Variants in CD163L1 observed in about 807,000 individuals in gnomAD.
CD163L1 encodes the protein CD163 molecule like 1, also known as scavenger receptor cysteine-rich type 1 protein M160.
A neutral mutation model predicts 165.4 loss-of-function variants in CD163L1; 124 were observed. The observed-to-expected ratio is 0.75, with a 90% CI of 0.65 to 0.87. The LOEUF is 0.87. CD163L1 is among the 40% of genes least tolerant of loss of function. The probability of loss-of-function intolerance (pLI) is 0.00; values close to 1 mark genes in which losing one functional copy is unlikely to be tolerated. For missense variants in CD163L1, 1,525 were observed against 1,799.9 expected (o/e 0.85, Z 2.76); for synonymous variants, 585 against 662.2 (o/e 0.88, Z 1.79).
the CD163L1 span, chr12:7,323,133 C>T: frequency 1.8e-6 from 2 of 1,132,774 alleles, no homozygotes; most frequent in Non-Finnish European, 1.3e-6. Context: ...CGCCTGCATA[C>T]CAGGAAAATC....
At chr12:7,321,224 T>C in the CD163L1 span, among the ~76,000 whole-genome samples, 1 of 152,146 alleles carries the variant, frequency 6.6e-6, no homozygotes, top group Non-Finnish European at 1.5e-5. Flanking sequence ...AACACTGTCA[T>C]TTAGAACTCA....
chr12:7,366,771 T>C (rs780663395), intron 18 of CD163L1, among the ~76,000 whole-genome samples: 2 of 152,266 alleles, frequency 1.3e-5, no homozygotes, highest in African/African-American at 4.8e-5. Flanking sequence ...AGATTGAGTT[T>C]TATGCACTGT....
Position 7,374,560 on chromosome 12 carries a change from G to T in CD163L1, c.3291C>A (p.Pro1097=). Residue 1097 remains proline, a synonymous_variant, in exon 13 of 20, where the codon CCC becomes CCA. Coordinates refer to ENST00000313599, the MANE Select transcript of CD163L1 (RefSeq NM_174941.6). The surrounding 1 kb of genome is among the most constrained non-coding windows in gnomAD (Gnocchi z 5.4). ...VSAHFGEGSG[P]IWLDDLNCTG... ...TGCAGTTCAGGTCATCCAGCCAGAT[G>T]GGCCCTGACCCCTCCCCAAAGTGAG... The T allele has an allele frequency of 6.2e-7, 1 of 1,614,220 alleles. No individual in the cohort carries two copies. The highest frequency in any genetic ancestry group is 8.5e-7 in the Non-Finnish European group (1 of 1,180,040).
the CD163L1 span, among the ~76,000 whole-genome samples, chr12:7,331,261 C>A: frequency 6.6e-6 from 1 of 152,240 alleles, no homozygotes; most frequent in Admixed American, 6.5e-5. Flanking sequence ...ATTGCCCAGG[C>A]TTGAGTAGGT....
At chr12:7,421,041 ATATATATGTATATACGTATATATG>A (rs1948348586) in intron 4 of CD163L1, among the ~76,000 whole-genome samples, 1 of 108,620 alleles carries the variant, frequency 9.2e-6, no homozygotes. Flanking sequence ...ATATACGTGT[ATATATATGTATATACGTATATATG>A]TATATATACG....
chr12:7,434,566 G>C (rs1948689264), intron 2 of CD163L1, among the ~76,000 whole-genome samples: 1 of 152,034 alleles, frequency 6.6e-6, no homozygotes, highest in Non-Finnish European at 1.5e-5. Flanking sequence ...AAACTTTATG[G>C]TGAATTCTGT....
At chr12:7,323,528 A>G in the CD163L1 span, 2 of 1,613,724 alleles carry the variant, frequency 1.2e-6, no homozygotes, top group African/African-American at 2.7e-5. Flanking sequence ...ACTCAAACCT[A>G]CACGGCCCTT....
At chr12:7,348,479 T>C (rs974943782) in intron 4 of CD163L1, among the ~76,000 whole-genome samples, 1 of 152,206 alleles carries the variant, frequency 6.6e-6, no homozygotes, top group Non-Finnish European at 1.5e-5. Flanking sequence ...AGCCCATCCA[T>C]TAGTGGATGA....
At chr12:7,340,520 C>G in the CD163L1 span, among the ~76,000 whole-genome samples, 1 of 152,154 alleles carries the variant, frequency 6.6e-6, no homozygotes, top group African/African-American at 2.4e-5. Context: ...CATGAAGTCA[C>G]TGTAACTCCC....
chr12:7,430,911 G>A (rs751117228), intron 4 of CD163L1, among the ~76,000 whole-genome samples: 12 of 152,018 alleles, frequency 7.9e-5, no homozygotes, highest in South Asian at 2.1e-4. Context: ...GCAACATCTC[G>A]TAGATAATAA....
chr12:7,348,122 G>A lies in CD163L1; in HGVS notation c.*25-975C>T, dbSNP rs185255119. Among the ~76,000 whole-genome samples, 121 of 152,316 alleles carry A rather than the reference G, an allele frequency of 7.9e-4. 1 individual carries two copies. The highest frequency in any genetic ancestry group is 1.5e-3 in the Admixed American group (23 of 15,306). Reference sequence around the variant, plus strand: ...ATATTTGTCTATAATACCAGGAGGTGTAAATAGGCTATACTAAAATTAATA... The same window carrying A: ...ATATTTGTCTATAATACCAGGAGGTATAAATAGGCTATACTAAAATTAATA... On this transcript the variant is annotated intron_variant, in intron 4 of 4. Coordinates refer to the CD163L1 transcript ENST00000539726.
At chr12:7,375,241 C>A in intron 11 of CD163L1, 40 bp downstream of exon 11, 1 of 1,593,404 alleles carries the variant, frequency 6.3e-7, no homozygotes, top group Non-Finnish European at 8.6e-7. Flanking sequence ...CATGTCTGGG[C>A]TATATTGACA....
chr12:7,397,270 G>C (rs1354959198), intron 7 of CD163L1, among the ~76,000 whole-genome samples: 1 of 152,154 alleles, frequency 6.6e-6, no homozygotes, highest in Non-Finnish European at 1.5e-5. Flanking sequence ...GACAAAGTGG[G>C]AAAAGAAAAG....
At chr12:7,393,268 G>A (rs1331150100) in intron 8 of CD163L1, among the ~76,000 whole-genome samples, 3 of 152,026 alleles carry the variant, frequency 2.0e-5, no homozygotes, top group Non-Finnish European at 2.9e-5. Context: ...CTGGTTCAAC[G>A]TGTGCAAATC....
At chr12:7,335,125 G>T in the CD163L1 span, among the ~76,000 whole-genome samples, 1 of 152,122 alleles carries the variant, frequency 6.6e-6, no homozygotes, top group Non-Finnish European at 1.5e-5. Context: ...TTTCTTCACG[G>T]AATTGGAAAA....
the CD163L1 span, among the ~76,000 whole-genome samples, chr12:7,331,487 C>A: frequency 6.6e-6 from 1 of 152,226 alleles, no homozygotes; most frequent in African/African-American, 2.4e-5. Flanking sequence ...ACTGCCTCCT[C>A]AAGTGGGTCC....
At chr12:7,399,323 C>T (rs952565832) in intron 6 of CD163L1, among the ~76,000 whole-genome samples, 1 of 133,482 alleles carries the variant, frequency 7.5e-6, no homozygotes, top group South Asian at 2.4e-4. Context: ...TCTTTCTTCT[C>T]TCTCTTCTTT....
At chr12:7,411,431 T>C (rs1948136461) in intron 4 of CD163L1, among the ~76,000 whole-genome samples, 1 of 152,102 alleles carries the variant, frequency 6.6e-6, no homozygotes, top group Non-Finnish European at 1.5e-5. Flanking sequence ...GTGGGAGGTG[T>C]TTTGGTCATG....
chr12:7,371,980 T>C (rs1219782088), intron 14 of CD163L1, among the ~76,000 whole-genome samples: 1 of 152,074 alleles, frequency 6.6e-6, no homozygotes, highest in Non-Finnish European at 1.5e-5. Flanking sequence ...TGTGTTTTTT[T>C]CCATGATTTC....
Sources: gnomAD v4.1 joint callset for allele counts (sites outside exome capture counted in the v4.1 genomes callset) on GRCh38, gnomAD v4.1.1 for gene constraint, Gnocchi (gnomAD v3.1) non-coding constraint, MANE v1.5 for transcripts, NCBI Gene and HGNC (gene_info 2026-07-23, HGNC 2026-07-21) for gene names.